Variants in EFCAB7 observed in about 807,000 individuals in gnomAD.
The protein encoded by EFCAB7 is EF-hand calcium binding domain 7, also known as EF-hand calcium-binding domain-containing protein 7.
In EFCAB7, 66 loss-of-function variants were observed where a neutral mutation model predicts 77.1. That is an observed-to-expected ratio of 0.86 (90% confidence interval 0.70 to 1.05). The LOEUF (loss-of-function observed/expected upper bound fraction) is 1.05, where lower values mean the gene tolerates loss of function less well. Ranked by LOEUF, EFCAB7 falls within the 50% of genes least tolerant of loss-of-function variation. The pLI is 0.00. For synonymous variants in EFCAB7, 225 were observed against 243.3 expected, an observed-to-expected ratio of 0.92 and a Z score of 0.70; for missense variants, 638 against 730.5, an observed-to-expected ratio of 0.87 and a Z score of 1.46.
chr1:63,552,499 A>G (rs1341614389), intron 8 of EFCAB7, among the ~76,000 whole-genome samples: 1 of 152,192 alleles, frequency 6.6e-6, no homozygotes, highest in African/African-American at 2.4e-5. Flanking sequence ...ACTTAAGATT[A>G]CTATCCTCAG....
chr1:63,540,003 A>G (rs1646808847), intron 6 of EFCAB7, among the ~76,000 whole-genome samples: 1 of 152,150 alleles, frequency 6.6e-6, no homozygotes, highest in Non-Finnish European at 1.5e-5. Flanking sequence ...TAGTCCATAT[A>G]TATGCCCATC....
At chr1:63,560,566 T>C (rs1464147720) in intron 10 of EFCAB7, among the ~76,000 whole-genome samples, 2 of 145,898 alleles carry the variant, frequency 1.4e-5, no homozygotes, top group South Asian at 2.2e-4. Context: ...ACCCAGGCTG[T>C]AGTACAGTGG....
intron 2 of EFCAB7, among the ~76,000 whole-genome samples, chr1:63,531,605 T>A (rs1174933914): frequency 2.0e-5 from 3 of 152,170 alleles, no homozygotes; most frequent in Non-Finnish European, 2.9e-5. Context: ...CTGGTATTAA[T>A]AATTAAAGAA....
intron 2 of EFCAB7, among the ~76,000 whole-genome samples, chr1:63,530,674 A>G (rs1382112653): frequency 6.6e-6 from 1 of 152,208 alleles, no homozygotes; most frequent in African/African-American, 2.4e-5. Flanking sequence ...CTTCTCTCAC[A>G]GTATATTGAC....
At position 63,568,498 on chromosome 1, in the gene EFCAB7, A is replaced by G. The variant is rs907397223; in HGVS notation, c.1686A>G (p.Ile562Met). 21 of 1,601,744 alleles carry G rather than the reference A, an allele frequency of 1.3e-5. No homozygotes were observed. Among genetic ancestry groups the G allele is most frequent in the Non-Finnish European group, 1.7e-5 (20 of 1,176,544 alleles). ...IVHTYSCDTWITSVIENKSDE... is the reference protein window; with the variant it reads ...IVHTYSCDTWMTSVIENKSDE... ...ATACTTACAGTTGTGACACCTGGAT[A>G]ACGTCAGTTATTGAAAACAAGGTAT... The change falls in exon 12 of 14, where the codon ATA becomes ATG. Residue 562 changes from isoleucine (I) to methionine (M), a missense_variant. Physicochemically the swap from Ile to Met is conservative, Grantham distance 10. Transcript: ENST00000371088.
At chr1:63,543,326 C>T (rs1308555822) in intron 6 of EFCAB7, among the ~76,000 whole-genome samples, 1 of 152,148 alleles carries the variant, frequency 6.6e-6, no homozygotes, top group Non-Finnish European at 1.5e-5. Context: ...GTACCACACC[C>T]TTTTGATTAC....
Position 63,545,963 on chromosome 1 carries a change from T to C in EFCAB7, c.852T>C (p.Asp284=), listed in dbSNP as rs752200250. The C allele has an allele frequency of 1.2e-6, 2 of 1,613,808 alleles. No individual in the cohort carries two copies. The highest frequency in any genetic ancestry group is 1.7e-6 in the Non-Finnish European group (2 of 1,179,814). ...AAGGTTGCTTCTTCTTAGAAGAAGA[T>C]GGTGAAATCATTAGTCATCAGTACA... ...QSKGCFFLEE[D]GEIISHQYRM... The change falls in exon 7 of 14, where the codon GAT becomes GAC. Residue 284 remains aspartate, a synonymous_variant. Transcript: ENST00000371088.
At chr1:63,546,159 C>A in intron 7 of EFCAB7, 102 bp downstream of exon 7, 7 of 1,259,238 alleles carry the variant, frequency 5.6e-6, no homozygotes, top group Non-Finnish European at 7.7e-6. Context: ...AGAAAATAAT[C>A]TGCCTAAGTA....
chr1:63,583,463 G>GT, the EFCAB7 span, among the ~76,000 whole-genome samples: 1 of 152,252 alleles, frequency 6.6e-6, no homozygotes, highest in Admixed American at 6.5e-5. Flanking sequence ...ACCTTTTACA[G>GT]TTTTTTTGAT....
At chr1:63,558,875 G>C (rs962384323) in intron 10 of EFCAB7, among the ~76,000 whole-genome samples, 1 of 151,802 alleles carries the variant, frequency 6.6e-6, no homozygotes, top group African/African-American at 2.4e-5. Flanking sequence ...TATTTTTAGA[G>C]CAATTTTAGG....
intron 8 of EFCAB7, among the ~76,000 whole-genome samples, chr1:63,553,045 T>A (rs1218324422): frequency 6.6e-6 from 1 of 152,228 alleles, no homozygotes; most frequent in Non-Finnish European, 1.5e-5. Flanking sequence ...GAGTTTCTAT[T>A]TACCTCTTTA....
At chr1:63,573,295 G>A (rs1486840094), downstream of EFCAB7, among the ~76,000 whole-genome samples, 3 of 152,056 alleles carry the variant, frequency 2.0e-5, no homozygotes, top group East Asian at 1.9e-4. Context: ...ATGGTAAGGG[G>A]TGATATTGTG....
intron 11 of EFCAB7, among the ~76,000 whole-genome samples, chr1:63,564,626 T>G (rs1428264301): frequency 6.6e-6 from 1 of 152,284 alleles, no homozygotes; most frequent in East Asian, 1.9e-4. Context: ...GTTAAAATGG[T>G]CATACTGCCC....
At position 63,531,790 on chromosome 1, in the gene EFCAB7, A is replaced by G. The variant is rs1373166951; in HGVS notation, c.188-30A>G. On this transcript the variant is annotated intron_variant, in intron 2 of 13. Coordinates refer to ENST00000371088, the MANE Select transcript of EFCAB7 (RefSeq NM_032437.4). The stretch of plus-strand genomic sequence containing the variant: ...TTAAGTACAAATTCCAGGTGTTACA[A>G]TCACAAATAATACTTGTCTTGTTGG... 4 of 1,594,096 alleles carry G rather than the reference A, an allele frequency of 2.5e-6. No homozygotes were observed. In the East Asian group the frequency reaches 9.0e-5, roughly 36 times the overall value.
At chr1:63,552,927 T>G (rs556663148) in intron 8 of EFCAB7, among the ~76,000 whole-genome samples, 1 of 152,340 alleles carries the variant, frequency 6.6e-6, no homozygotes, top group South Asian at 2.1e-4. Flanking sequence ...GATAAAGCAT[T>G]GTCTAAAACA....
In EFCAB7 at chr1:63,561,643, T is replaced by C. The variant is rs1647101593; in HGVS notation, c.1349-66T>C. On this transcript the variant is annotated intron_variant, in intron 10 of 13. Coordinates refer to ENST00000371088, the MANE Select transcript of EFCAB7 (RefSeq NM_032437.4). ...AATATCTATGAATAATAATATATCA[T>C]AGACATTTTATTAAAGTTATGAATT... 6 of 1,014,630 alleles carry C rather than the reference T, an allele frequency of 5.9e-6. No homozygotes were observed. In the Admixed American group the frequency reaches 1.1e-4, roughly 19 times the overall value. The allele number at this position is 1,014,630 out of a possible 1,614,324, so 62.9% of individuals were successfully genotyped here. A position where few individuals can be genotyped will look rare whatever the true frequency, so the allele number is the denominator to read the frequency against.
intron 6 of EFCAB7, among the ~76,000 whole-genome samples, chr1:63,541,161 C>T (rs1223056683): frequency 6.6e-6 from 1 of 152,076 alleles, no homozygotes; most frequent in Admixed American, 6.5e-5. Context: ...GCAAAAGTTA[C>T]TACAATACCA....
the EFCAB7 span, among the ~76,000 whole-genome samples, chr1:63,578,599 G>A: frequency 6.6e-6 from 1 of 151,902 alleles, no homozygotes; most frequent in Non-Finnish European, 1.5e-5. Flanking sequence ...CCACCACCAC[G>A]CCCGGCTAAT....
chr1:63,571,196 A>G (rs1308657005), intron 13 of EFCAB7, 68 bp downstream of exon 13: 1 of 974,642 alleles, frequency 1.0e-6, no homozygotes, highest in African/African-American at 1.7e-5. Context: ...TATTAATGCT[A>G]TGAGTAAAAT....
Sources: gnomAD v4.1 joint callset for allele counts (sites outside exome capture counted in the v4.1 genomes callset) on GRCh38, gnomAD v4.1.1 for gene constraint, MANE v1.5 for transcripts, NCBI Gene and HGNC (gene_info 2026-07-23, HGNC 2026-07-21) for gene names.